The following ZNF462 variants were observed in gnomAD, a reference collection of about 807,000 sequenced individuals.
ZNF462 encodes the protein zinc finger PBX1-interacting protein.
In ZNF462, 10 loss-of-function variants were observed where a neutral mutation model predicts 201.9. That is an observed-to-expected ratio of 0.05 (90% confidence interval 0.03 to 0.08). The LOEUF (loss-of-function observed/expected upper bound fraction) is 0.08, where lower values mean the gene tolerates loss of function less well. ZNF462 is among the 10% of genes least tolerant of loss of function. ZNF462 has a pLI of 1.00. For missense variants in ZNF462, 2,523 were observed against 3,168.3 expected (o/e 0.80, Z 4.89); for synonymous variants, 1,227 against 1,193.3 (o/e 1.03, Z -0.58).
chr9:106,986,151 G>A (rs905604237), intron 10 of ZNF462, among the ~76,000 whole-genome samples: 1 of 152,126 alleles, frequency 6.6e-6, no homozygotes, highest in Non-Finnish European at 1.5e-5. Flanking sequence ...TTGTTGCACG[G>A]TAGCTTGCAA....
At chr9:106,940,478 A>G (rs1395396232) in intron 7 of ZNF462, among the ~76,000 whole-genome samples, 1 of 152,240 alleles carries the variant, frequency 6.6e-6, no homozygotes, top group African/African-American at 2.4e-5. Flanking sequence ...ATCTTTATTC[A>G]TGAGGTCTGT....
Position 106,949,654 on chromosome 9 carries a change from C to T in ZNF462, c.6427+10547C>T, listed in dbSNP as rs545928255. 5.9e-5 allele frequency among the ~76,000 whole-genome samples: 9 copies of T among 152,290 alleles called. No homozygotes were observed. In the East Asian group the frequency reaches 1.5e-3, roughly 26 times the overall value. On this transcript the variant is annotated intron_variant, in intron 7 of 12. Coordinates refer to ENST00000277225, the MANE Select transcript of ZNF462 (RefSeq NM_021224.6). ...CCACCTCTTCAGAGTACTTCTACTT[C>T]CTTTGTTTAATGATCCTTTTTCAAA...
At position 106,928,804 on chromosome 9, in the gene ZNF462, A is replaced by G; in HGVS notation, c.4892A>G (p.Gln1631Arg). 6.2e-7 allele frequency: 1 copy of G among 1,614,034 alleles called. No individual in the cohort carries two copies. Among genetic ancestry groups the G allele is most frequent in the Non-Finnish European group, 8.5e-7 (1 of 1,179,996 alleles). The change falls in exon 3 of 13, where the codon CAA becomes CGA. Residue 1631 changes from glutamine to arginine, a missense_variant. Coordinates refer to ENST00000277225, the MANE Select transcript of ZNF462 (RefSeq NM_021224.6). The surrounding 1 kb of genome is among the most constrained non-coding windows in gnomAD (Gnocchi z 9.3). ...PEMTTEVSPS[Q>R]VSITEEEVGE... ...ATGACCACTGAAGTGAGCCCTTCCC[A>G]AGTCTCCATCACTGAGGAGGAGGTG...
chr9:106,891,144 C>T (rs1351065769), intron 1 of ZNF462, among the ~76,000 whole-genome samples: 1 of 151,986 alleles, frequency 6.6e-6, no homozygotes, highest in Non-Finnish European at 1.5e-5. Flanking sequence ...AAGAGTTCTT[C>T]CTGGAACAAA....
Position 106,927,607 on chromosome 9 carries a change from C to T in ZNF462, c.3695C>T (p.Thr1232Ile), listed in dbSNP as rs1830251751. Residue 1232 changes from threonine (T) to isoleucine (I), a missense_variant, in exon 3 of 13, where the codon ACC (threonine) becomes ATC (isoleucine). Physicochemically the swap from Thr to Ile is moderately conservative, Grantham distance 89 (BLOSUM62 -1). Transcript: ENST00000277225. ...GATGTGATCCGGCAGCATACGGCCA[C>T]CATTCGAAGCCTCTGCGACCGAAAT... is the stretch of plus-strand genomic sequence containing the variant. ...NADVIRQHTA[T>I]IRSLCDRNQK... 1 of 1,613,790 alleles carries T rather than the reference C, an allele frequency of 6.2e-7. No individual in the cohort carries two copies. The highest frequency in any genetic ancestry group is 1.3e-5 in the African/African-American group (1 of 74,832).
chr9:106,899,421 A>G (rs527564604), intron 1 of ZNF462, among the ~76,000 whole-genome samples: 8 of 152,320 alleles, frequency 5.3e-5, no homozygotes, highest in African/African-American at 1.4e-4. Context: ...TTAAGGAATC[A>G]GCCTTAGATG....
intron 7 of ZNF462, among the ~76,000 whole-genome samples, chr9:106,946,667 T>A (rs1009123866): frequency 6.6e-6 from 1 of 151,968 alleles, no homozygotes; most frequent in African/African-American, 2.4e-5. Flanking sequence ...AAAAAAATAA[T>A]TTTTTTAAAA....
intron 10 of ZNF462, among the ~76,000 whole-genome samples, chr9:106,998,695 C>T (rs1312169380): frequency 6.6e-6 from 1 of 152,146 alleles, no homozygotes; most frequent in Non-Finnish European, 1.5e-5. Flanking sequence ...GCAACCTCCA[C>T]TTCCCAGGTT....
intron 9 of ZNF462, among the ~76,000 whole-genome samples, chr9:106,982,412 T>C (rs1375299463): frequency 6.6e-6 from 1 of 152,188 alleles, no homozygotes; most frequent in African/African-American, 2.4e-5. Context: ...TGCTACTTTT[T>C]AGAAACCTTG....
rs1412386623 is a variant in ZNF462 at position 107,012,238 on chromosome 9, C to T, written c.*1208C>T. 6.7e-6 allele frequency: 1 copy of T among 149,996 alleles called. No individual in the cohort carries two copies. Among genetic ancestry groups the T allele is most frequent in the Non-Finnish European group, 1.5e-5 (1 of 67,682 alleles). The allele number at this position is 149,996 out of a possible 1,614,324, so 9.3% of individuals were successfully genotyped here. The stretch of plus-strand genomic sequence containing the variant: ...TGTCAAATTCACGCATTATCCGTCT[C>T]ATAAATAATTTCTGTTAGGATTGGC... On this transcript the variant is annotated 3_prime_UTR_variant, in exon 13 of 13. Transcript: ENST00000277225.
chr9:106,991,840 A>C (rs1348086557), intron 10 of ZNF462, among the ~76,000 whole-genome samples: 20 of 28,546 alleles, frequency 7.0e-4, no homozygotes, highest in African/African-American at 4.7e-3. Flanking sequence ...AGCACTCTCT[A>C]CACACACACA....
intron 7 of ZNF462, 23 bp downstream of exon 7, chr9:106,939,130 G>A (rs770709186): frequency 1.3e-6 from 2 of 1,561,144 alleles, no homozygotes; most frequent in Non-Finnish European, 1.7e-6. Context: ...TTCCAAGCTG[G>A]AATTAACCAC....
rs750373301 is a variant in ZNF462 at position 107,010,871 on chromosome 9, A to G, written c.7362A>G (p.Lys2454=). 3.1e-6 allele frequency: 5 copies of G among 1,613,320 alleles called. No homozygotes were observed. In the African/African-American group the frequency reaches 5.3e-5, roughly 17 times the overall value. The change falls in exon 13 of 13, where the codon AAA becomes AAG. Residue 2454 remains lysine, a synonymous_variant. Transcript: ENST00000277225. This position sits in a 1 kb window ranked among gnomAD's most constrained non-coding sequence, Gnocchi z 4.6. ...TGAGCAGAGAAGAAATCCACCCAAAAGAGATCATGGAGAACAGTGTTAAAA... is the reference window on the plus strand; with the variant it reads ...TGAGCAGAGAAGAAATCCACCCAAAGGAGATCATGGAGAACAGTGTTAAAA... ...KQVSREEIHP[K]EIMENSVKMP...
rs191027457 is a variant in ZNF462, at chr9:106,881,693, G to A, written c.-31+18338G>A. Among the ~76,000 whole-genome samples, 405 of 152,254 alleles carry A rather than the reference G, an allele frequency of 2.7e-3. 4 individuals are homozygous for A. The highest frequency in any genetic ancestry group is 0.01 in the Middle Eastern group (3 of 294). On this transcript the variant is annotated intron_variant, in intron 1 of 12. Coordinates refer to ENST00000277225, the MANE Select transcript of ZNF462 (RefSeq NM_021224.6). Reference sequence around the variant, plus strand: ...AAATCCCAATTGAGGGCTCCTTGAAGCTTGTACTGGTAAAATTGACAAACA... The same window carrying A: ...AAATCCCAATTGAGGGCTCCTTGAAACTTGTACTGGTAAAATTGACAAACA...
At chr9:106,947,726 T>C (rs1203687854) in intron 7 of ZNF462, among the ~76,000 whole-genome samples, 2 of 152,090 alleles carry the variant, frequency 1.3e-5, no homozygotes, top group Non-Finnish European at 2.9e-5. Context: ...ATGTACGTGG[T>C]AGAGCTGTTT....
chr9:106,937,570 T>C (rs1830684062), intron 6 of ZNF462, among the ~76,000 whole-genome samples: 1 of 152,198 alleles, frequency 6.6e-6, no homozygotes, highest in Non-Finnish European at 1.5e-5. Flanking sequence ...AGAGAAAGTT[T>C]GGAAATGAAA....
At chr9:106,999,578 T>G (rs1468009394) in intron 10 of ZNF462, among the ~76,000 whole-genome samples, 3 of 152,168 alleles carry the variant, frequency 2.0e-5, no homozygotes, top group Non-Finnish European at 4.4e-5. Flanking sequence ...TTATGTTTAT[T>G]CAGAGAATGA....
At chr9:106,918,046 T>C (rs1439270651) in intron 1 of ZNF462, among the ~76,000 whole-genome samples, 1 of 151,838 alleles carries the variant, frequency 6.6e-6, no homozygotes, top group East Asian at 1.9e-4. Context: ...CGGCTAATTT[T>C]TTTTATTTTT....
At position 107,003,158 on chromosome 9, in the gene ZNF462, T is replaced by G; in HGVS notation, c.7057-136T>G. 1 of 1,150,958 alleles carries G rather than the reference T, an allele frequency of 8.7e-7. No homozygotes were observed. The highest frequency in any genetic ancestry group is 2.5e-5 in the Admixed American group (1 of 39,926). 71.3% of individuals were successfully genotyped at this position (1,150,958 alleles called of 1,614,324 possible). ...GAGTCAAAACGAAGAAAAAGACCTC[T>G]TAGGCCCCGGAGTTGTTTGGTCCTG... On this transcript the variant is annotated intron_variant, in intron 10 of 12. Coordinates refer to ENST00000277225, the MANE Select transcript of ZNF462 (RefSeq NM_021224.6). The surrounding 1 kb of genome is among the most constrained non-coding windows in gnomAD (Gnocchi z 4.4).
Sources: gnomAD v4.1 joint callset for allele counts (sites outside exome capture counted in the v4.1 genomes callset) on GRCh38, gnomAD v4.1.1 for gene constraint, Gnocchi (gnomAD v3.1) non-coding constraint, MANE v1.5 for transcripts, NCBI Gene and HGNC (gene_info 2026-07-23, HGNC 2026-07-21) for gene names.